The following TSPAN8 variants were observed in gnomAD, a reference collection of about 807,000 sequenced individuals.
The protein encoded by TSPAN8 is tetraspanin 8.
A neutral mutation model predicts 32.8 loss-of-function variants in TSPAN8; 21 were observed. The ratio of observed to expected loss-of-function variants is 0.64; its 90% CI spans 0.45 to 0.92. The LOEUF (loss-of-function observed/expected upper bound fraction) is 0.92. TSPAN8 is among the 40% of genes least tolerant of loss of function. The pLI is 0.00. For synonymous variants in TSPAN8, 95 were observed against 94.6 expected (o/e 1.00, Z -0.03); for missense variants, 269 against 281.9 (o/e 0.95, Z 0.33).
At position 71,144,297 on chromosome 12, in the gene TSPAN8, A is replaced by G; in HGVS notation, c.61-84T>C. On this transcript the variant is annotated intron_variant, in intron 2 of 8. Transcript: ENST00000247829. The stretch of plus-strand genomic sequence containing the variant: ...TCCACACCCTCCTATCTATCCGGTG[A>G]CAGTAGTTCATCATCGACTATACTA... 5 of 1,236,058 alleles carry G rather than the reference A, an allele frequency of 4.0e-6. No individual in the cohort carries two copies. In the South Asian group the frequency reaches 5.2e-5, roughly 13 times the overall value. 76.6% of individuals were successfully genotyped at this position (1,236,058 alleles called of 1,614,324 possible).
At position 71,157,927 on chromosome 12, in the gene TSPAN8, C is replaced by T; in HGVS notation, c.-110+3G>A. 2.1e-6 allele frequency: 1 copy of T among 467,830 alleles called. No individual in the cohort carries two copies. Among genetic ancestry groups the T allele is most frequent in the African/African-American group, 1.9e-5 (1 of 51,666 alleles). The allele number at this position is 467,830 out of a possible 1,614,324, so 29.0% of individuals were successfully genotyped here. On this transcript the variant is annotated splice_donor_region_variant and intron_variant, in intron 1 of 8. Transcript: ENST00000247829. ...TTAAATATCTCAAAGGCTATTAACT[C>T]ACACATTTAAATATCGCAAAGGCTA... is the stretch of plus-strand genomic sequence containing the variant.
chr12:71,155,808 T>G (rs1565791042), intron 2 of TSPAN8, among the ~76,000 whole-genome samples: 1 of 151,982 alleles, frequency 6.6e-6, no homozygotes, highest in Non-Finnish European at 1.5e-5. Context: ...CTCGGCTCAC[T>G]GCAACCTCCC....
chr12:71,157,669 C>T lies in TSPAN8; in HGVS notation c.10G>A (p.Val4Met), dbSNP rs1393017968. The change falls in exon 2 of 9, where the codon GTG becomes ATG. Residue 4 changes from valine (V) to methionine (M), a missense_variant. Val to Met is a conservative substitution (Grantham distance 21). Coordinates refer to ENST00000247829, the MANE Select transcript of TSPAN8 (RefSeq NM_004616.3). ...ATAGAATATTTTATACAGGCACTCA[C>T]ACCTGCCATTTCGGAAAAGGATTAG... MAG[V>M]SACIKYSMFT... 2 of 1,613,454 alleles carry T rather than the reference C, an allele frequency of 1.2e-6. No homozygotes were observed. Among genetic ancestry groups the T allele is most frequent in the Admixed American group, 1.7e-5 (1 of 60,008 alleles).
intron 6 of TSPAN8, among the ~76,000 whole-genome samples, chr12:71,134,272 G>A (rs918205583): frequency 1.7e-4 from 26 of 152,060 alleles, no homozygotes; most frequent in African/African-American, 6.3e-4. Flanking sequence ...TGTTGGTGTT[G>A]TTTCTGTCAT....
chr12:71,153,921 G>C lies in TSPAN8; in HGVS notation c.60+3698C>G, dbSNP rs142290719. On this transcript the variant is annotated intron_variant, in intron 2 of 8. Transcript: ENST00000247829. ...TATGCTGGTGGTAGGAATCACCAAG[G>C]CACGTTAGTTAGAAAGATCTAACTG... Among the ~76,000 whole-genome samples, 14 of 152,224 alleles carry C rather than the reference G, an allele frequency of 9.2e-5. No homozygotes were observed. In the East Asian group the frequency reaches 1.4e-3, roughly 15 times the overall value.
At chr12:71,157,888 A>T in intron 1 of TSPAN8, 42 bp downstream of exon 1, 1 of 544,050 alleles carries the variant, frequency 1.8e-6, no homozygotes, top group East Asian at 2.8e-5. Context: ...CGCAAAGGCT[A>T]TTAACCCACA....
At chr12:71,139,916 A>G in intron 3 of TSPAN8, 68 bp from the exon 4 acceptor site, 1 of 1,512,038 alleles carries the variant, frequency 6.6e-7, no homozygotes, top group Non-Finnish European at 8.9e-7. Context: ...CATTCAACAA[A>G]TATCCATTGA....
intron 3 of TSPAN8, among the ~76,000 whole-genome samples, chr12:71,143,327 C>T (rs1380505056): frequency 6.6e-6 from 1 of 152,114 alleles, no homozygotes; most frequent in Admixed American, 6.6e-5. Context: ...AGAACAATCC[C>T]CGCACACTCG....
chr12:71,136,019 G>A (rs1473124177), intron 6 of TSPAN8, among the ~76,000 whole-genome samples: 2 of 151,892 alleles, frequency 1.3e-5, no homozygotes, highest in Non-Finnish European at 2.9e-5. Flanking sequence ...TTCAGCTTTC[G>A]GAAATGATGC....
intron 8 of TSPAN8, among the ~76,000 whole-genome samples, chr12:71,128,016 A>G (rs1871397646): frequency 1.3e-5 from 2 of 152,214 alleles, no homozygotes; most frequent in African/African-American, 4.8e-5. Flanking sequence ...CCTTATTTCT[A>G]AATTAGCATA....
In TSPAN8 at chr12:71,139,827, C is replaced by T; in HGVS notation, c.145G>A (p.Gly49Ser). 6.2e-7 allele frequency: 1 copy of T among 1,610,778 alleles called. No individual in the cohort carries two copies. Among genetic ancestry groups the T allele is most frequent in the African/African-American group, 1.3e-5 (1 of 74,870 alleles). Reference protein sequence around the residue: ...SQAIFGSEDVGSSSYVAVDIL... With the variant: ...SQAIFGSEDVSSSSYVAVDIL... The stretch of plus-strand genomic sequence containing the variant: ...TCCACAGCAACGTAGGAGCTAGAGC[C>T]TACATCTTCAGAACCAAAAATCTGA... The change falls in exon 4 of 9, where the codon GGC (glycine) becomes AGC (serine). Residue 49 changes from glycine (G) to serine (S), a missense_variant. By Grantham distance (56) the Gly-to-Ser change is moderately conservative. Coordinates refer to ENST00000247829, the MANE Select transcript of TSPAN8 (RefSeq NM_004616.3).
chr12:71,142,459 T>C (rs1486436433), intron 3 of TSPAN8, among the ~76,000 whole-genome samples: 1 of 152,146 alleles, frequency 6.6e-6, no homozygotes, highest in Non-Finnish European at 1.5e-5. Flanking sequence ...AATTGCAGGC[T>C]ACACACACAT....
chr12:71,141,576 C>T (rs1374578462), intron 3 of TSPAN8, among the ~76,000 whole-genome samples: 2 of 152,184 alleles, frequency 1.3e-5, no homozygotes, highest in Non-Finnish European at 2.9e-5. Flanking sequence ...GATAGTGTGA[C>T]CAGCACTTGT....
rs1370358457 is a variant in TSPAN8 at position 71,155,348 on chromosome 12, C to G, written c.60+2271G>C. On this transcript the variant is annotated intron_variant, in intron 2 of 8. Transcript: ENST00000247829. The stretch of plus-strand genomic sequence containing the variant: ...GCCTCCTCATGAAAGAATACAAAAT[C>G]ACTTATGATTGTCGTGTGAAAAAAA... Among the ~76,000 whole-genome samples, 4 of 152,012 alleles carry G rather than the reference C, an allele frequency of 2.6e-5. No individual in the cohort carries two copies. The East Asian group carries it at 7.7e-4, about 29-fold the overall frequency.
In TSPAN8 at chr12:71,125,213, CCGAGA is replaced by C. The variant is rs1188455799; in HGVS notation, c.*116_*120del. On this transcript the variant is annotated 3_prime_UTR_variant, in exon 9 of 9. Transcript: ENST00000247829. ...TAGAAGATATCTGTGGTCTAGCTAG[CCGAGA>C]CATTTTAAAAAGACAGCTGCTCCTG... 7.8e-6 allele frequency: 6 copies of C among 768,654 alleles called. No homozygotes were observed. The African/African-American group carries it at 1.0e-4, about 13-fold the overall frequency. 47.6% of individuals were successfully genotyped at this position (768,654 alleles called of 1,614,324 possible). A position where few individuals can be genotyped will look rare whatever the true frequency, so the allele number is the denominator to read the frequency against.
In TSPAN8 at chr12:71,125,393, G is replaced by A. The variant is rs11178636; in HGVS notation, c.661-6C>T. 7,470 of 1,608,940 alleles carry A rather than the reference G, an allele frequency of 4.6e-3. 173 individuals are homozygous for A. The East Asian group carries it at 0.052, about 11-fold the overall frequency. Reference sequence around the variant, plus strand: ...GAAAACACCAAACCCAGTATCTAGAGAACAAAATAACAGGATTAACATGGA... The same window carrying A: ...GAAAACACCAAACCCAGTATCTAGAAAACAAAATAACAGGATTAACATGGA... On this transcript the variant is annotated splice_region_variant and splice_polypyrimidine_tract_variant and intron_variant, in intron 8 of 8. Coordinates refer to ENST00000247829, the MANE Select transcript of TSPAN8 (RefSeq NM_004616.3).
intron 7 of TSPAN8, among the ~76,000 whole-genome samples, chr12:71,131,190 T>C (rs1007331918): frequency 6.6e-6 from 1 of 152,304 alleles, no homozygotes; most frequent in East Asian, 1.9e-4. Context: ...CCCCTTTTCC[T>C]TGTAAATACT....
chr12:71,151,227 C>T (rs1385875402), intron 2 of TSPAN8, among the ~76,000 whole-genome samples: 1 of 152,020 alleles, frequency 6.6e-6, no homozygotes, highest in East Asian at 1.9e-4. Flanking sequence ...CCACGCCCAG[C>T]TAATTTTTTG....
intron 2 of TSPAN8, among the ~76,000 whole-genome samples, chr12:71,156,250 CAAAA>C (rs763217771): frequency 4.1e-5 from 1 of 24,376 alleles, no homozygotes; most frequent in Non-Finnish European, 6.9e-5. Flanking sequence ...CAAAGTTCTC[CAAAA>C]AAAAAAAAAA....
Sources: gnomAD v4.1 joint callset for allele counts (sites outside exome capture counted in the v4.1 genomes callset) on GRCh38, gnomAD v4.1.1 for gene constraint, MANE v1.5 for transcripts, NCBI Gene and HGNC (gene_info 2026-07-23, HGNC 2026-07-21) for gene names.